Variants in BAZ2B observed in about 807,000 individuals in gnomAD.
The protein encoded by BAZ2B is bromodomain adjacent to zinc finger domain protein 2B.
A neutral mutation model predicts 246.0 loss-of-function variants in BAZ2B; 91 were observed. That is an observed-to-expected ratio of 0.37 (90% CI 0.31 to 0.44). The LOEUF is 0.44. BAZ2B is among the 20% of genes least tolerant of loss of function. The probability of loss-of-function intolerance (pLI) is 1.00; values close to 1 mark genes in which losing one functional copy is unlikely to be tolerated. For synonymous variants in BAZ2B, 855 were observed against 860.0 expected, an observed-to-expected ratio of 0.99 and a Z score of 0.10; for missense variants, 2,332 against 2,533.7, an observed-to-expected ratio of 0.92 and a Z score of 1.71.
chr2:159,501,114 T>A lies in BAZ2B; in HGVS notation c.-2-22393A>T, dbSNP rs565018006. Among the ~76,000 whole-genome samples the A allele has an allele frequency of 1.9e-3, 139 of 72,620 alleles. 1 individual carries two copies. The highest frequency in any genetic ancestry group is 2.9e-3 in the East Asian group (9 of 3,076). 47.6% of individuals were successfully genotyped at this position (72,620 alleles called of 152,430 possible). ...GTGAAACCCCATCTCTGTTTAAAAA[T>A]ATATATATAATATATATATATATTT... On this transcript the variant is annotated intron_variant, in intron 2 of 36. Transcript: ENST00000392783.
chr2:159,349,370 CA>C, intron 28 of BAZ2B, 90 bp from the exon 29 acceptor site: 1 of 1,274,126 alleles, frequency 7.8e-7, no homozygotes, highest in Non-Finnish European at 1.1e-6. Context: ...TTTCAAATTC[CA>C]AAAAATATTC....
the BAZ2B span, among the ~76,000 whole-genome samples, chr2:159,683,850 T>C: frequency 6.6e-6 from 1 of 152,228 alleles, no homozygotes; most frequent in Admixed American, 6.5e-5. Context: ...CCAAGACAAC[T>C]GCCCCATCTC....
intron 1 of BAZ2B, among the ~76,000 whole-genome samples, chr2:159,557,156 T>C (rs1191839198): frequency 4.7e-5 from 7 of 147,716 alleles, no homozygotes; most frequent in South Asian, 2.1e-4. Context: ...TTTTTTTTTT[T>C]CCCTGCCTCA....
At chr2:159,679,187 G>C in the BAZ2B span, among the ~76,000 whole-genome samples, 6 of 150,496 alleles carry the variant, frequency 4.0e-5, no homozygotes, top group Admixed American at 3.3e-4. Context: ...CAGGAGAATG[G>C]CGTGAAGCTG....
At chr2:159,325,456 T>C (rs541259235) in intron 35 of BAZ2B, among the ~76,000 whole-genome samples, 197 bp downstream of exon 35, 87 of 151,790 alleles carry the variant, frequency 5.7e-4, no homozygotes, top group African/African-American at 2.0e-3. Context: ...AAATAAAAAC[T>C]CAATGCAAAT....
chr2:159,652,819 T>G, the BAZ2B span, among the ~76,000 whole-genome samples: 1 of 152,024 alleles, frequency 6.6e-6, no homozygotes, highest in Non-Finnish European at 1.5e-5. Flanking sequence ...GGTCTCACTC[T>G]GTAGCCCAGG....
the BAZ2B span, among the ~76,000 whole-genome samples, chr2:159,632,999 C>T: frequency 7.2e-5 from 11 of 152,220 alleles, no homozygotes; most frequent in South Asian, 1.9e-3. Context: ...TCAACTAGGG[C>T]ATTCTGTGAG....
chr2:159,372,020 TA>T (rs2060902511), intron 27 of BAZ2B, among the ~76,000 whole-genome samples: 1 of 152,204 alleles, frequency 6.6e-6, no homozygotes, highest in Non-Finnish European at 1.5e-5. Context: ...AGATTCTGCA[TA>T]ACATTTTCAT....
At chr2:159,522,602 A>T (rs911875684) in intron 2 of BAZ2B, among the ~76,000 whole-genome samples, 11 of 152,236 alleles carry the variant, frequency 7.2e-5, no homozygotes, top group Non-Finnish European at 1.3e-4. Flanking sequence ...ATAAGTAAAC[A>T]ATTAGACGTT....
chr2:159,405,857 C>T (rs2065859015), intron 14 of BAZ2B, among the ~76,000 whole-genome samples: 1 of 152,064 alleles, frequency 6.6e-6, no homozygotes, highest in Non-Finnish European at 1.5e-5. Flanking sequence ...ACAAAGTCCC[C>T]TCCCACCCAA....
At chr2:159,337,145 C>A (rs2148969268) in intron 32 of BAZ2B, 68 bp from the exon 33 acceptor site, 1 of 1,525,804 alleles carries the variant, frequency 6.6e-7, no homozygotes, top group Non-Finnish European at 8.9e-7. Context: ...GTGAAACAAT[C>A]ATCACACTGA....
At chr2:159,346,277 T>C (rs181611672) in intron 31 of BAZ2B, among the ~76,000 whole-genome samples, 2 of 152,362 alleles carry the variant, frequency 1.3e-5, no homozygotes, top group East Asian at 3.8e-4. Flanking sequence ...CAAATGCCTA[T>C]GTTAAACTAA....
At chr2:159,678,976 T>A in the BAZ2B span, among the ~76,000 whole-genome samples, 1 of 152,266 alleles carries the variant, frequency 6.6e-6, no homozygotes, top group African/African-American at 2.4e-5. Flanking sequence ...GACTCACTAC[T>A]CAAGATGTTG....
chr2:159,490,426 A>G (rs1236953632), intron 2 of BAZ2B, among the ~76,000 whole-genome samples: 2 of 152,296 alleles, frequency 1.3e-5, no homozygotes, highest in Non-Finnish European at 2.9e-5. Context: ...AAATCTTAGT[A>G]TTATGGTTTC....
At chr2:159,369,991 T>C (rs1160992412) in intron 27 of BAZ2B, among the ~76,000 whole-genome samples, 4 of 152,238 alleles carry the variant, frequency 2.6e-5, no homozygotes, top group Admixed American at 6.5e-5. Flanking sequence ...TATGCAGCCA[T>C]AGAAAAGGAT....
chr2:159,444,893 G>A (rs1185322002), intron 6 of BAZ2B: 4 of 152,200 alleles, frequency 2.6e-5, no homozygotes, highest in Admixed American at 1.3e-4. Context: ...TTTCCCAAAT[G>A]TTTGCAGTTG....
At chr2:159,435,232 G>C (rs2071993799) in intron 8 of BAZ2B, 1 of 151,880 alleles carries the variant, frequency 6.6e-6, no homozygotes, top group African/African-American at 2.4e-5. Flanking sequence ...TGTCACCCAG[G>C]CTGGAGTGCA....
intron 2 of BAZ2B, among the ~76,000 whole-genome samples, chr2:159,495,483 TCAAAAAAAAAAAAAA>T (rs1559612275): frequency 1.4e-4 from 2 of 14,020 alleles, no homozygotes. Flanking sequence ...AGACTCCGTC[TCAAAAAAAAAAAAAA>T]AAAAAAAAAA....
chr2:159,600,871 CT>C (rs1351749861), intron 1 of BAZ2B, among the ~76,000 whole-genome samples: 1 of 152,140 alleles, frequency 6.6e-6, no homozygotes, highest in African/African-American at 2.4e-5. Context: ...TTTTCTCAAC[CT>C]TTCATTAGAG....
Sources: allele counts gnomAD v4.1 joint callset (sites outside exome capture counted in the v4.1 genomes callset), GRCh38; gene constraint gnomAD v4.1.1; transcripts MANE v1.5; gene names NCBI Gene and HGNC (gene_info 2026-07-23, HGNC 2026-07-21).